The following LRP2 variants were observed in gnomAD, a reference collection of about 807,000 sequenced individuals.
LRP2 encodes the protein low-density lipoprotein receptor-related protein 2.
In LRP2, 172 loss-of-function variants were observed where a neutral mutation model predicts 531.0. The ratio of observed to expected loss-of-function variants is 0.32; its 90% CI spans 0.29 to 0.37. The LOEUF is 0.37. Among genes scored for constraint, LRP2 ranks in the 10% least tolerant of loss-of-function variants. The probability of loss-of-function intolerance (pLI) is 1.00; values close to 1 mark genes in which losing one functional copy is unlikely to be tolerated. For missense variants in LRP2, 5,167 were observed against 5,868.3 expected, an observed-to-expected ratio of 0.88 and a Z score of 3.90; for synonymous variants, 1,992 against 2,027.6, an observed-to-expected ratio of 0.98 and a Z score of 0.47.
chr2:169,157,516 T>A lies in LRP2; in HGVS notation c.11888-14A>T. On this transcript the variant is annotated splice_polypyrimidine_tract_variant and intron_variant, in intron 63 of 78. Transcript: ENST00000649046. ...CTTTTCCTTTATCTGAAAAACAAAA[T>A]CCCAGCATTACAAACCAGATCAGCC... is the stretch of plus-strand genomic sequence containing the variant. 1 of 1,611,792 alleles carries A rather than the reference T, an allele frequency of 6.2e-7. No homozygotes were observed. Among genetic ancestry groups the A allele is most frequent in the Non-Finnish European group, 8.5e-7 (1 of 1,179,064 alleles).
chr2:169,183,217 C>T (rs1174073725), intron 50 of LRP2, among the ~76,000 whole-genome samples: 1 of 152,186 alleles, frequency 6.6e-6, no homozygotes, highest in African/African-American at 2.4e-5. Context: ...GCAACAAGTA[C>T]GCGCTTAACC....
intron 56 of LRP2, among the ~76,000 whole-genome samples, 193 bp from the exon 57 acceptor site, chr2:169,173,417 T>C (rs1255687565): frequency 6.6e-6 from 1 of 152,246 alleles, no homozygotes; most frequent in Non-Finnish European, 1.5e-5. Context: ...TTTCTCAATA[T>C]GTCAGCACCA....
chr2:169,265,350 G>T (rs1213100030), intron 16 of LRP2, among the ~76,000 whole-genome samples: 1 of 151,966 alleles, frequency 6.6e-6, no homozygotes, highest in Non-Finnish European at 1.5e-5. Flanking sequence ...AGCTGACAAG[G>T]CCTATCCACA....
intron 16 of LRP2, among the ~76,000 whole-genome samples, chr2:169,269,275 A>T (rs557338082): frequency 6.6e-6 from 1 of 152,304 alleles, no homozygotes; most frequent in Non-Finnish European, 1.5e-5. Flanking sequence ...TATGGAACCA[A>T]AAAAGAGCCT....
chr2:169,140,536 A>G lies in LRP2; in HGVS notation c.13118T>C (p.Leu4373Pro). ...STTECDAAIE[L>P]PINLPPPCRC... ...GCATGGGGGGGGCAGGTTGATAGGC[A>G]GTTCGATGGCTGCAGGAAGGGAAAG... Residue 4373 changes from leucine to proline, a missense_variant, in exon 72 of 79, where the codon CTG (leucine) becomes CCG (proline). Leu to Pro is a moderately conservative substitution (Grantham distance 98). This residue lies in a region of LRP2 where 348 missense variants were observed against 369.3 expected (regional missense o/e 0.94). Transcript: ENST00000649046. 6.2e-7 allele frequency: 1 copy of G among 1,613,462 alleles called. No individual in the cohort carries two copies. Among genetic ancestry groups the G allele is most frequent in the Non-Finnish European group, 8.5e-7 (1 of 1,179,420 alleles).
chr2:169,164,364 A>G (rs1364467222), intron 62 of LRP2, among the ~76,000 whole-genome samples: 2 of 152,218 alleles, frequency 1.3e-5, no homozygotes, highest in African/African-American at 4.8e-5. Context: ...ACTATGAGCT[A>G]TGTCCCTTGG....
intron 1 of LRP2, among the ~76,000 whole-genome samples, chr2:169,335,968 T>C (rs1246610554): frequency 4.7e-5 from 7 of 147,504 alleles, no homozygotes. Context: ...TGAGCCAAGA[T>C]AGTGCCATTG....
At chr2:169,266,803 A>T (rs886222298) in intron 16 of LRP2, among the ~76,000 whole-genome samples, 5 of 151,688 alleles carry the variant, frequency 3.3e-5, no homozygotes, top group African/African-American at 1.2e-4. Flanking sequence ...TAGTCAATTA[A>T]TCTGTTAATG....
In LRP2 at chr2:169,291,005, G is replaced by T; in HGVS notation, c.770-8C>A. On this transcript the variant is annotated splice_region_variant and splice_polypyrimidine_tract_variant and intron_variant, in intron 7 of 78. Coordinates refer to ENST00000649046, the MANE Select transcript of LRP2 (RefSeq NM_004525.3). ...CATCATGAGGACCGCTTTCTGTGGG[G>T]GGAAAAAGAGAGAGTTACAGGCCAT... is the stretch of plus-strand genomic sequence containing the variant. 6.2e-7 allele frequency: 1 copy of T among 1,613,428 alleles called. No homozygotes were observed. Among genetic ancestry groups the T allele is most frequent in the Non-Finnish European group, 8.5e-7 (1 of 1,179,664 alleles).
chr2:169,288,755 AGGAC>A, intron 9 of LRP2, among the ~76,000 whole-genome samples: 1 of 152,182 alleles, frequency 6.6e-6, no homozygotes, highest in African/African-American at 2.4e-5. Context: ...AAAACAGAAA[AGGAC>A]TACCGCCCTC....
rs371120814 is a variant in LRP2 at position 169,275,209 on chromosome 2, A to G, written c.1802T>C (p.Ile601Thr). The G allele has an allele frequency of 1.6e-5, 26 of 1,613,780 alleles. No homozygotes were observed. Among genetic ancestry groups the G allele is most frequent in the Non-Finnish European group, 2.1e-5 (25 of 1,179,788 alleles). The change falls in exon 14 of 79, where the codon ATT (isoleucine) becomes ACT (threonine). Residue 601 changes from isoleucine (I) to threonine (T), a missense_variant. By Grantham distance (89) the Ile-to-Thr change is moderately conservative. Coordinates refer to ENST00000649046, the MANE Select transcript of LRP2 (RefSeq NM_004525.3). Reference protein sequence around the residue: ...RKTVVHGGSLIPHPFGVSLFE... With the variant: ...RKTVVHGGSLTPHPFGVSLFE... ...TAAGCTTACTCCAAAGGGATGAGGA[A>G]TGAGGGAGCCTCCATGAACTACAGT... is the stretch of plus-strand genomic sequence containing the variant.
At chr2:169,190,470 C>T (rs1254614624) in intron 48 of LRP2, among the ~76,000 whole-genome samples, 2 of 152,132 alleles carry the variant, frequency 1.3e-5, no homozygotes, top group Non-Finnish European at 2.9e-5. Flanking sequence ...TCCTCAGGAC[C>T]ACCACAATAA....
intron 37 of LRP2, among the ~76,000 whole-genome samples, chr2:169,211,376 T>C (rs1182993483): frequency 6.6e-6 from 1 of 152,192 alleles, no homozygotes; most frequent in Non-Finnish European, 1.5e-5. Flanking sequence ...CAAGTGATCG[T>C]TTCATACATT....
At chr2:169,178,566 C>T (rs796744120) in intron 52 of LRP2, among the ~76,000 whole-genome samples, 1 of 152,184 alleles carries the variant, frequency 6.6e-6, no homozygotes, top group African/African-American at 2.4e-5. Context: ...GTTAACTTTG[C>T]AAACACCAGC....
chr2:169,176,603 A>G lies in LRP2; in HGVS notation c.10394-15T>C. ...GGGATTGCTCACTAGTGGAAAAGGA[A>G]GAAAATATGTGTTCATTTGCTGAAA... On this transcript the variant is annotated splice_polypyrimidine_tract_variant and intron_variant, in intron 53 of 78. Transcript: ENST00000649046. 1 of 1,612,398 alleles carries G rather than the reference A, an allele frequency of 6.2e-7. No individual in the cohort carries two copies. The highest frequency in any genetic ancestry group is 8.5e-7 in the Non-Finnish European group (1 of 1,178,432).
At chr2:169,311,196 C>T (rs1371689393) in intron 3 of LRP2, among the ~76,000 whole-genome samples, 7 of 152,206 alleles carry the variant, frequency 4.6e-5, no homozygotes, top group Admixed American at 2.6e-4. Context: ...GTGTCTCCAT[C>T]TCCTTCAGTT....
chr2:169,164,074 C>T (rs1474931265), intron 62 of LRP2, among the ~76,000 whole-genome samples: 1 of 152,208 alleles, frequency 6.6e-6, no homozygotes, highest in Non-Finnish European at 1.5e-5. Context: ...GGGCAGCAGA[C>T]ATGAATCAGG....
Position 169,213,749 on chromosome 2 carries a change from A to G in LRP2, c.5948T>C (p.Ile1983Thr). The G allele has an allele frequency of 9.9e-6, 16 of 1,613,638 alleles. No individual in the cohort carries two copies. The highest frequency in any genetic ancestry group is 1.7e-4 in the Middle Eastern group (1 of 6,050). Residue 1983 changes from isoleucine (I) to threonine (T), a missense_variant, in exon 36 of 79, where the codon ATT becomes ACT. Physicochemically the swap from Ile to Thr is moderately conservative, Grantham distance 89. Transcript: ENST00000649046. The stretch of plus-strand genomic sequence containing the variant: ...CCCAGTGGCCTTATCAACTCTTTCA[A>G]TGACCTCATACTGTTCATCAGTATA... ...LYYTDEQYEV[I>T]ERVDKATGAN... is the part of the protein sequence containing the mutation.
chr2:169,191,801 A>C, intron 48 of LRP2, 31 bp downstream of exon 48: 3 of 1,599,950 alleles, frequency 1.9e-6, no homozygotes, highest in Non-Finnish European at 2.6e-6. Context: ...CATTTGAGGC[A>C]TGCTGGGTAA....
Sources: allele counts gnomAD v4.1 joint callset (sites outside exome capture counted in the v4.1 genomes callset), GRCh38; gene constraint gnomAD v4.1.1; regional missense constraint gnomAD v4.1.1; transcripts MANE v1.5; gene names NCBI Gene and HGNC (gene_info 2026-07-23, HGNC 2026-07-21).